The following VWC2L variants were observed in gnomAD, a reference collection of about 807,000 sequenced individuals.
VWC2L encodes von Willebrand factor C domain containing 2 like, also known as von Willebrand factor C domain-containing protein 2-like.
Under a neutral mutation model 21.6 loss-of-function variants are expected in VWC2L, and 10 were observed. That is an observed-to-expected ratio of 0.46 (90% CI 0.29 to 0.78). VWC2L has a LOEUF of 0.78. VWC2L is among the 30% of genes least tolerant of loss of function. The pLI is 0.10. For missense variants in VWC2L, 209 were observed against 277.1 expected, an observed-to-expected ratio of 0.75 and a Z score of 1.74; for synonymous variants, 96 against 94.3, an observed-to-expected ratio of 1.02 and a Z score of -0.10.
At chr2:214,527,115 A>T (rs1646273323) in intron 3 of VWC2L, among the ~76,000 whole-genome samples, 1 of 152,166 alleles carries the variant, frequency 6.6e-6, no homozygotes, top group Non-Finnish European at 1.5e-5. Flanking sequence ...AATGCAGCGA[A>T]GGCCATTATA....
intron 3 of VWC2L, among the ~76,000 whole-genome samples, chr2:214,484,741 G>A (rs1688653255): frequency 6.6e-6 from 1 of 152,112 alleles, no homozygotes; most frequent in Non-Finnish European, 1.5e-5. Context: ...TGAAAAGGTT[G>A]CCTAAGACAT....
chr2:214,531,820 C>T (rs1689440512), intron 3 of VWC2L, among the ~76,000 whole-genome samples: 1 of 152,052 alleles, frequency 6.6e-6, no homozygotes, highest in South Asian at 2.1e-4. Flanking sequence ...CCAGAGTTGT[C>T]TTAGCTATCA....
At chr2:214,495,551 C>T (rs2126202937) in intron 3 of VWC2L, among the ~76,000 whole-genome samples, 1 of 152,274 alleles carries the variant, frequency 6.6e-6, no homozygotes, top group East Asian at 1.9e-4. Flanking sequence ...AACTTCACTG[C>T]CCCACTAGTT....
At chr2:214,522,050 T>C (rs1689249084) in intron 3 of VWC2L, among the ~76,000 whole-genome samples, 1 of 152,154 alleles carries the variant, frequency 6.6e-6, no homozygotes, top group East Asian at 1.9e-4. Context: ...GTCCAGATAA[T>C]AGCTAGACAA....
intron 3 of VWC2L, among the ~76,000 whole-genome samples, chr2:214,533,202 C>T (rs140761140): frequency 6.6e-6 from 1 of 152,074 alleles, no homozygotes; most frequent in East Asian, 1.9e-4. Context: ...ATGTGAAAAT[C>T]TCTCTCCTGG....
chr2:214,479,466 C>G (rs1204736119), intron 3 of VWC2L, among the ~76,000 whole-genome samples: 1 of 152,144 alleles, frequency 6.6e-6, no homozygotes, highest in African/African-American at 2.4e-5. Context: ...ATAAAATCTA[C>G]TAACAGGTCC....
At chr2:214,520,318 C>G (rs1689215753) in intron 3 of VWC2L, among the ~76,000 whole-genome samples, 1 of 152,112 alleles carries the variant, frequency 6.6e-6, no homozygotes, top group African/African-American at 2.4e-5. Flanking sequence ...AAACACTTTT[C>G]CATGTAATCA....
At chr2:214,505,821 C>A (rs1438295331) in intron 3 of VWC2L, among the ~76,000 whole-genome samples, 1 of 151,956 alleles carries the variant, frequency 6.6e-6, no homozygotes, top group Admixed American at 6.6e-5. Context: ...AAAAATGTTC[C>A]CATAGATCCA....
intron 3 of VWC2L, among the ~76,000 whole-genome samples, chr2:214,550,464 T>A (rs981526669): frequency 6.6e-6 from 1 of 152,336 alleles, no homozygotes; most frequent in African/African-American, 2.4e-5. Flanking sequence ...TATTTTTAAA[T>A]GTCTAAAATT....
At chr2:214,545,874 T>G (rs758170960) in intron 3 of VWC2L, among the ~76,000 whole-genome samples, 2 of 152,178 alleles carry the variant, frequency 1.3e-5, no homozygotes, top group Non-Finnish European at 2.9e-5. Context: ...ACTCCCACAC[T>G]GTAAAGGAAA....
At chr2:214,421,867 T>G (rs1702446211) in intron 2 of VWC2L, among the ~76,000 whole-genome samples, 1 of 150,740 alleles carries the variant, frequency 6.6e-6, no homozygotes, top group Admixed American at 6.6e-5. Context: ...AAGCATAATT[T>G]TTTTCTATTT....
chr2:214,537,236 A>G (rs898911842), intron 3 of VWC2L, among the ~76,000 whole-genome samples: 1 of 152,054 alleles, frequency 6.6e-6, no homozygotes, highest in Non-Finnish European at 1.5e-5. Flanking sequence ...CATCCAGGAG[A>G]ATGCTTGCTA....
chr2:214,527,796 A>C (rs1017971803), intron 3 of VWC2L, among the ~76,000 whole-genome samples: 2 of 152,214 alleles, frequency 1.3e-5, no homozygotes, highest in African/African-American at 4.8e-5. Context: ...ACATTAAGTA[A>C]TACATTAATA....
chr2:214,525,990 A>G (rs2105913593), intron 3 of VWC2L, among the ~76,000 whole-genome samples: 1 of 152,146 alleles, frequency 6.6e-6, no homozygotes, highest in East Asian at 1.9e-4. Context: ...AGTGTTCTAT[A>G]TGTATATATG....
At chr2:214,532,117 G>C (rs940816980) in intron 3 of VWC2L, among the ~76,000 whole-genome samples, 1 of 152,038 alleles carries the variant, frequency 6.6e-6, no homozygotes, top group Non-Finnish European at 1.5e-5. Flanking sequence ...GGAAACCTAG[G>C]CCAGAGACTG....
chr2:214,494,669 A>G (rs935539338), intron 3 of VWC2L, among the ~76,000 whole-genome samples: 1 of 152,186 alleles, frequency 6.6e-6, no homozygotes, highest in African/African-American at 2.4e-5. Flanking sequence ...CAAATCAGAA[A>G]TTAAAGTTTA....
At chr2:214,498,274 G>C (rs945961484) in intron 3 of VWC2L, among the ~76,000 whole-genome samples, 1 of 152,112 alleles carries the variant, frequency 6.6e-6, no homozygotes, top group Non-Finnish European at 1.5e-5. Flanking sequence ...TTCCACAATG[G>C]ACATAGAGAA....
chr2:214,437,465 G>C (rs963527099), intron 3 of VWC2L, among the ~76,000 whole-genome samples: 37 of 152,066 alleles, frequency 2.4e-4, no homozygotes, highest in Non-Finnish European at 2.9e-5. Flanking sequence ...ATAAACCCAA[G>C]ATAGCGCATC....
chr2:214,467,275 C>T (rs1292398885), intron 3 of VWC2L, among the ~76,000 whole-genome samples: 2 of 152,182 alleles, frequency 1.3e-5, no homozygotes, highest in Non-Finnish European at 2.9e-5. Context: ...CTTGTTTCCC[C>T]ACATGTATAT....
Sources: gnomAD v4.1 joint callset for allele counts (sites outside exome capture counted in the v4.1 genomes callset) on GRCh38, gnomAD v4.1.1 for gene constraint, MANE v1.5 for transcripts, NCBI Gene and HGNC (gene_info 2026-07-23, HGNC 2026-07-21) for gene names.